Variants in HECW1 observed in about 807,000 individuals in gnomAD.
The protein encoded by HECW1 is E3 ubiquitin-protein ligase HECW1.
In HECW1, 61 loss-of-function variants were observed where a neutral mutation model predicts 182.3. The observed-to-expected ratio is 0.33, with a 90% CI of 0.27 to 0.41. HECW1 has a LOEUF of 0.41. Among genes scored for constraint, HECW1 ranks in the 10% least tolerant of loss-of-function variants. The pLI is 1.00. For synonymous variants in HECW1, 859 were observed against 832.6 expected (o/e 1.03, Z -0.55); for missense variants, 1,739 against 2,108.9 (o/e 0.82, Z 3.44).
At chr7:43,132,654 A>G (rs1787084128) in intron 2 of HECW1, among the ~76,000 whole-genome samples, 2 of 152,114 alleles carry the variant, frequency 1.3e-5, no homozygotes, top group Admixed American at 1.3e-4. Flanking sequence ...TGGTGCTCAA[A>G]TTAACCCAAT....
At position 43,432,378 on chromosome 7, in the gene HECW1, A is replaced by C. The variant is rs2076581037; in HGVS notation, c.802-5625A>C. ...ATGGTCTCGATCTCCTGACCTCGTG[A>C]TCCGCCCGCCTCGGCCTCCCAAAGT... On this transcript the variant is annotated intron_variant, in intron 8 of 29. Transcript: ENST00000395891. This position sits in a 1 kb window ranked among gnomAD's most constrained non-coding sequence, Gnocchi z 4.1. Among the ~76,000 whole-genome samples, 1 of 151,682 alleles carries C rather than the reference A, an allele frequency of 6.6e-6. No homozygotes were observed. Among genetic ancestry groups the C allele is most frequent in the Non-Finnish European group, 1.5e-5 (1 of 67,936 alleles).
intron 3 of HECW1, among the ~76,000 whole-genome samples, chr7:43,252,537 A>G (rs1208182332): frequency 6.6e-6 from 1 of 152,256 alleles, no homozygotes; most frequent in Admixed American, 6.5e-5. Flanking sequence ...GGCTTATACC[A>G]TGGCCCAAGC....
At chr7:43,282,093 C>G (rs1324487963) in intron 3 of HECW1, among the ~76,000 whole-genome samples, 2 of 152,194 alleles carry the variant, frequency 1.3e-5, no homozygotes, top group Non-Finnish European at 2.9e-5. Context: ...ATTTCTACTG[C>G]TAGATTGAAG....
rs1012072759 is a variant in HECW1, at chr7:43,259,780, A to G, written c.27+15848A>G. 3.3e-5 allele frequency among the ~76,000 whole-genome samples: 5 copies of G among 152,082 alleles called. No individual in the cohort carries two copies. The South Asian group carries it at 6.2e-4, about 19-fold the overall frequency. On this transcript the variant is annotated intron_variant, in intron 3 of 29. Transcript: ENST00000395891. Reference sequence around the variant, plus strand: ...AAATTATTCAAACTAAAGCACAGGGAAAAAAAATATTTAAAAACACTTTAC... The same window carrying G: ...AAATTATTCAAACTAAAGCACAGGGGAAAAAAATATTTAAAAACACTTTAC...
chr7:43,436,484 G>A (rs867411801), intron 8 of HECW1, among the ~76,000 whole-genome samples: 5 of 152,158 alleles, frequency 3.3e-5, no homozygotes, highest in South Asian at 2.1e-4. Context: ...GGGAGATATG[G>A]GTGGGGCTGT....
chr7:43,160,697 T>G (rs1187012549), intron 2 of HECW1, among the ~76,000 whole-genome samples: 1 of 152,146 alleles, frequency 6.6e-6, no homozygotes, highest in African/African-American at 2.4e-5. Flanking sequence ...TTAATTCATC[T>G]CATTAATTTT....
intron 3 of HECW1, among the ~76,000 whole-genome samples, chr7:43,244,462 T>C (rs1376121872): frequency 6.6e-6 from 1 of 152,172 alleles, no homozygotes; most frequent in Non-Finnish European, 1.5e-5. Context: ...TGGTCCTCCT[T>C]CCTCTGTGTC....
chr7:43,182,143 T>C (rs567251985), intron 2 of HECW1, among the ~76,000 whole-genome samples: 19 of 152,312 alleles, frequency 1.2e-4, no homozygotes, highest in African/African-American at 4.3e-4. Context: ...TGTGTGGAAG[T>C]GTTTTCATTT....
At position 43,444,557 on chromosome 7, in the gene HECW1, T is replaced by C; in HGVS notation, c.1385T>C (p.Leu462Pro). The C allele has an allele frequency of 6.2e-7, 1 of 1,611,064 alleles. No homozygotes were observed. Among genetic ancestry groups the C allele is most frequent in the South Asian group, 1.1e-5 (1 of 90,466 alleles). Residue 462 changes from leucine (L) to proline (P), a missense_variant, in exon 11 of 30, where the codon CTG (leucine) becomes CCG (proline). Around this residue, in one of 5 missense-constraint regions of HECW1, gnomAD observed 971 missense variants for 1,029.1 expected, o/e 0.94. Transcript: ENST00000395891. The surrounding 1 kb of genome is among the most constrained non-coding windows in gnomAD (Gnocchi z 4.3). Reference protein sequence around the residue: ...APSAEELAEQLDLGEEASALL... With the variant: ...APSAEELAEQPDLGEEASALL... ...AGTGCAGAAGAGCTGGCCGAGCAGC[T>C]GGACCTGGGTGAGGAGGCATCAGCA...
At chr7:43,415,652 A>C (rs2075967910) in intron 8 of HECW1, among the ~76,000 whole-genome samples, 1 of 146,982 alleles carries the variant, frequency 6.8e-6, no homozygotes, top group African/African-American at 2.5e-5. Context: ...TCTCCCCATC[A>C]CTTTCAGGTA....
rs763103414 is a variant in HECW1 at position 43,561,863 on chromosome 7, C to T, written c.4758C>T (p.Tyr1586=). 6 of 1,614,002 alleles carry T rather than the reference C, an allele frequency of 3.7e-6. No individual in the cohort carries two copies. The highest frequency in any genetic ancestry group is 5.1e-6 in the Non-Finnish European group (6 of 1,179,952). ...TGGATCTTCCACCGTATCCCTCGTA[C>T]TCCATGTTGTATGAAAAGCTGTTAA... ...NRLDLPPYPS[Y]SMLYEKLLTA... The change falls in exon 30 of 30, where the codon TAC becomes TAT. Residue 1586 remains tyrosine (Y), a synonymous_variant. Transcript: ENST00000395891.
At position 43,492,191 on chromosome 7, in the gene HECW1, T is replaced by A; in HGVS notation, c.3340+11T>A. 1 of 1,567,022 alleles carries A rather than the reference T, an allele frequency of 6.4e-7. No homozygotes were observed. The highest frequency in any genetic ancestry group is 8.7e-7 in the Non-Finnish European group (1 of 1,155,488). On this transcript the variant is annotated intron_variant, in intron 18 of 29. Transcript: ENST00000395891. ...AGTCATTGCCACTGGGTATGTATCA[T>A]GCTTGTTTGAGCCCCTGGCTCAAAG...
At chr7:43,476,187 G>A (rs2078214222) in intron 16 of HECW1, among the ~76,000 whole-genome samples, 1 of 152,082 alleles carries the variant, frequency 6.6e-6, no homozygotes, top group African/African-American at 2.4e-5. Context: ...ATGATGAGCA[G>A]ACAAAAAGTA....
At chr7:43,238,105 TG>T (rs1260186009) in intron 2 of HECW1, among the ~76,000 whole-genome samples, 10 of 152,308 alleles carry the variant, frequency 6.6e-5, no homozygotes, top group African/African-American at 2.2e-4. Flanking sequence ...ACAGCTCTGT[TG>T]TGGAGTTATT....
intron 2 of HECW1, among the ~76,000 whole-genome samples, chr7:43,128,780 A>G (rs554325367): frequency 6.6e-6 from 1 of 152,344 alleles, no homozygotes; most frequent in Admixed American, 6.5e-5. Flanking sequence ...AGAACACTTG[A>G]GGTTCATGAG....
intron 6 of HECW1, among the ~76,000 whole-genome samples, chr7:43,367,818 A>G (rs979956691): frequency 7.9e-5 from 12 of 152,238 alleles, no homozygotes; most frequent in Non-Finnish European, 1.5e-4. Flanking sequence ...ATATCAACAT[A>G]ATGTATAATT....
rs779557608 is a variant in HECW1 at position 43,450,853 on chromosome 7, C to G, written c.2424C>G (p.Ser808=). Residue 808 remains serine, a synonymous_variant, in exon 12 of 30, where the codon TCC becomes TCG. Transcript: ENST00000395891. ...GTGAATGTCCTATACTCCATAATTC[C>G]CAGCCAGTAAGCCAGCTTCCTTCCC... ...REGECPILHN[S]QPVSQLPSLR... is the part of the protein sequence containing the mutation. The G allele has an allele frequency of 1.9e-6, 3 of 1,612,016 alleles. No individual in the cohort carries two copies. The East Asian group carries it at 6.7e-5, about 36-fold the overall frequency.
intron 2 of HECW1, among the ~76,000 whole-genome samples, chr7:43,135,717 C>T (rs1224111628): frequency 6.6e-6 from 1 of 151,954 alleles, no homozygotes; most frequent in Non-Finnish European, 1.5e-5. Context: ...TTTTTGATAC[C>T]TCTGATTTGA....
chr7:43,411,495 A>G (rs1207611622), intron 8 of HECW1, among the ~76,000 whole-genome samples: 4 of 152,172 alleles, frequency 2.6e-5, no homozygotes, highest in Admixed American at 6.5e-5. Context: ...CAGTTGAGTC[A>G]AGGTGGTTGA....
Sources: gnomAD v4.1 joint callset for allele counts (sites outside exome capture counted in the v4.1 genomes callset) on GRCh38, gnomAD v4.1.1 for gene constraint, gnomAD v4.1.1 regional missense constraint, Gnocchi (gnomAD v3.1) non-coding constraint, MANE v1.5 for transcripts, NCBI Gene and HGNC (gene_info 2026-07-23, HGNC 2026-07-21) for gene names.